The following ATXN1 variants were observed in gnomAD, a reference collection of about 807,000 sequenced individuals.
ATXN1 encodes ataxin-1.
ATXN1 carries 8 observed loss-of-function variants against 56.4 expected under a neutral mutation model. The ratio of observed to expected loss-of-function variants is 0.14; its 90% CI spans 0.08 to 0.26. The LOEUF (loss-of-function observed/expected upper bound fraction) is 0.26. Ranked by LOEUF, ATXN1 falls within the 10% of genes least tolerant of loss-of-function variation. The pLI, the probability that ATXN1 is intolerant of heterozygous loss-of-function variation, is 1.00. For missense variants in ATXN1, 987 were observed against 1,106.5 expected (o/e 0.89, Z 1.53); for synonymous variants, 514 against 494.6 (o/e 1.04, Z -0.52).
chr6:16,530,469 T>G (rs1006199093), intron 4 of ATXN1, among the ~76,000 whole-genome samples: 2 of 152,232 alleles, frequency 1.3e-5, no homozygotes, highest in African/African-American at 4.8e-5. Context: ...CATTTTCCTT[T>G]TAGATAAATA....
In ATXN1 at chr6:16,728,620, T is replaced by C. The variant is rs72827822; in HGVS notation, c.-615+24613A>G. Among the ~76,000 whole-genome samples, 424 of 152,324 alleles carry C rather than the reference T, an allele frequency of 2.8e-3. 1 individual carries two copies. Among genetic ancestry groups the C allele is most frequent in the Admixed American group, 5.4e-3 (82 of 15,300 alleles). On this transcript the variant is annotated intron_variant, in intron 2 of 7. Transcript: ENST00000436367. ...CCAAAGGAGAATGGTAATATCATCA[T>C]AGCAGGTGAAGTGTGAATACTAGGG... is the stretch of plus-strand genomic sequence containing the variant.
Position 16,348,532 on chromosome 6 carries a change from C to A in ATXN1, c.-160-20062G>T, listed in dbSNP as rs541724809. ...TGGTCAATGTGGCAAAGCCCCGTCT[C>A]TACTAAAAATACAAAAAAAATTAGC... On this transcript the variant is annotated intron_variant, in intron 6 of 7. Transcript: ENST00000436367. 1.2e-4 allele frequency among the ~76,000 whole-genome samples: 18 copies of A among 152,110 alleles called. 1 individual carries two copies. In the South Asian group the frequency reaches 3.7e-3, roughly 32 times the overall value.
intron 4 of ATXN1, among the ~76,000 whole-genome samples, chr6:16,531,092 T>C (rs779634266): frequency 2.6e-5 from 4 of 152,172 alleles, no homozygotes; most frequent in Non-Finnish European, 2.9e-5. Flanking sequence ...AATTCCCAAA[T>C]TGGCAATCAC....
At chr6:16,409,084 T>C (rs1159110658) in intron 6 of ATXN1, among the ~76,000 whole-genome samples, 5 of 152,336 alleles carry the variant, frequency 3.3e-5, no homozygotes, top group African/African-American at 9.6e-5. Flanking sequence ...ACCTCAGTCA[T>C]TTAACCTAAT....
intron 5 of ATXN1, among the ~76,000 whole-genome samples, chr6:16,518,117 C>T (rs984160365): frequency 1.8e-4 from 12 of 65,896 alleles, no homozygotes; most frequent in Admixed American, 1.1e-3. Context: ...CCAAGCGCCA[C>T]GAAGAAAACA....
intron 4 of ATXN1, among the ~76,000 whole-genome samples, chr6:16,531,538 G>A (rs1761503536): frequency 1.3e-5 from 2 of 151,448 alleles, no homozygotes; most frequent in Non-Finnish European, 2.9e-5. Context: ...CAGGAGAATT[G>A]CTTGAACCTG....
chr6:16,512,690 C>G (rs1229000870), intron 5 of ATXN1, among the ~76,000 whole-genome samples: 2 of 152,096 alleles, frequency 1.3e-5, no homozygotes, highest in East Asian at 3.8e-4. Context: ...AAAGTTCTGC[C>G]CACAGATTTT....
chr6:16,473,890 G>A (rs770810340), intron 6 of ATXN1, among the ~76,000 whole-genome samples: 2 of 152,134 alleles, frequency 1.3e-5, no homozygotes, highest in Non-Finnish European at 2.9e-5. Context: ...TCATCTCTTT[G>A]GAAACTTCCT....
intron 7 of ATXN1, among the ~76,000 whole-genome samples, chr6:16,308,227 G>C (rs575344426): frequency 1.3e-5 from 2 of 152,080 alleles, no homozygotes; most frequent in South Asian, 4.1e-4. Context: ...TCAGGAGGCT[G>C]AGGCAAGAGA....
At chr6:16,498,586 A>G (rs1478699051) in intron 5 of ATXN1, among the ~76,000 whole-genome samples, 1 of 152,204 alleles carries the variant, frequency 6.6e-6, no homozygotes, top group African/African-American at 2.4e-5. Flanking sequence ...TAGTGATTGC[A>G]CCATACTACA....
intron 6 of ATXN1, among the ~76,000 whole-genome samples, chr6:16,446,050 G>C: frequency 6.6e-6 from 1 of 151,638 alleles, no homozygotes; most frequent in Non-Finnish European, 1.5e-5. Context: ...GTAATGGGAT[G>C]GCTGGGTCAA....
chr6:16,403,029 G>A (rs936467390), intron 6 of ATXN1, among the ~76,000 whole-genome samples: 14 of 152,036 alleles, frequency 9.2e-5, no homozygotes, highest in Admixed American at 2.0e-4. Flanking sequence ...TTAAAACAGC[G>A]CTTTGAATTT....
At chr6:16,460,925 A>G (rs1759980337) in intron 6 of ATXN1, among the ~76,000 whole-genome samples, 1 of 152,278 alleles carries the variant, frequency 6.6e-6, no homozygotes, top group Non-Finnish European at 1.5e-5. Context: ...ATGCTTATCT[A>G]ATCCTACATG....
chr6:16,606,528 T>C (rs1763008315), intron 3 of ATXN1, among the ~76,000 whole-genome samples: 1 of 151,766 alleles, frequency 6.6e-6, no homozygotes, highest in African/African-American at 2.4e-5. Context: ...GTGGGTTTTT[T>C]TTTTTATTTT....
rs1760802016 is a variant in ATXN1 at position 16,326,245 on chromosome 6, G to A, written c.1917+149C>T. 1 of 1,407,930 alleles carries A rather than the reference G, an allele frequency of 7.1e-7. No individual in the cohort carries two copies. The highest frequency in any genetic ancestry group is 2.8e-5 in the Admixed American group (1 of 35,294). 87.2% of individuals were successfully genotyped at this position (1,407,930 alleles called of 1,614,324 possible). ...GGGGAAATGGGGCTTATTTTTTCTA[G>A]AGAACGCAGTTGGGAAAGGCCGAGT... On this transcript the variant is annotated intron_variant, in intron 7 of 7. Coordinates refer to ENST00000436367, the MANE Select transcript of ATXN1 (RefSeq NM_001128164.2). This position sits in a 1 kb window ranked among gnomAD's most constrained non-coding sequence, Gnocchi z 6.6.
chr6:16,453,051 T>C (rs1049084883), intron 6 of ATXN1, among the ~76,000 whole-genome samples: 10 of 152,224 alleles, frequency 6.6e-5, no homozygotes, highest in South Asian at 4.1e-4. Context: ...TAATTCTTTA[T>C]AAAATTTTAT....
chr6:16,346,441 C>A (rs2113450106), intron 6 of ATXN1, among the ~76,000 whole-genome samples: 1 of 152,270 alleles, frequency 6.6e-6, no homozygotes, highest in East Asian at 1.9e-4. Context: ...CTTGGACATG[C>A]AGTGGAAGAG....
At chr6:16,694,627 A>C (rs1759122539) in intron 2 of ATXN1, among the ~76,000 whole-genome samples, 1 of 152,232 alleles carries the variant, frequency 6.6e-6, no homozygotes, top group Admixed American at 6.5e-5. Context: ...TTCCGATTAG[A>C]AACTGGGAAA....
intron 6 of ATXN1, among the ~76,000 whole-genome samples, chr6:16,377,286 C>A (rs1762159032): frequency 1.3e-5 from 2 of 152,152 alleles, no homozygotes; most frequent in Non-Finnish European, 2.9e-5. Flanking sequence ...CTGCCAAAAG[C>A]CAAAAATACA....
Sources: gnomAD v4.1 joint callset for allele counts (sites outside exome capture counted in the v4.1 genomes callset) on GRCh38, gnomAD v4.1.1 for gene constraint, Gnocchi (gnomAD v3.1) non-coding constraint, MANE v1.5 for transcripts, NCBI Gene and HGNC (gene_info 2026-07-23, HGNC 2026-07-21) for gene names.